Variants in RBFOX1 observed in about 807,000 individuals in gnomAD.
RBFOX1 encodes RNA binding fox-1 homolog 1.
In RBFOX1, 8 loss-of-function variants were observed where a neutral mutation model predicts 57.7. The observed-to-expected ratio is 0.14, with a 90% CI of 0.08 to 0.25. The LOEUF (loss-of-function observed/expected upper bound fraction) is 0.25. RBFOX1 is among the 10% of genes least tolerant of loss of function. RBFOX1 has a pLI of 1.00. For synonymous variants in RBFOX1, 326 were observed against 222.4 expected (o/e 1.47, Z -4.15); for missense variants, 611 against 548.5 (o/e 1.11, Z -1.14).
chr16:7,043,013 C>T (rs563385094), intron 3 of RBFOX1, among the ~76,000 whole-genome samples: 1 of 152,250 alleles, frequency 6.6e-6, no homozygotes, highest in South Asian at 2.1e-4. Flanking sequence ...ATTTTGCAAT[C>T]CCAAAGTTCC....
intron 4 of RBFOX1, among the ~76,000 whole-genome samples, chr16:7,433,902 G>A (rs976892757): frequency 6.6e-6 from 1 of 152,198 alleles, no homozygotes; most frequent in Non-Finnish European, 1.5e-5. Flanking sequence ...CTCCAAAGGA[G>A]TTCAGAGAAA....
chr16:6,658,291 G>T (rs1039315621), intron 3 of RBFOX1, among the ~76,000 whole-genome samples: 14 of 151,038 alleles, frequency 9.3e-5, no homozygotes, highest in Non-Finnish European at 1.6e-4. Context: ...CTGGATTGCA[G>T]TGGTGTGATC....
chr16:5,813,139 C>G (rs1348813302), intron 3 of RBFOX1, among the ~76,000 whole-genome samples: 2 of 151,936 alleles, frequency 1.3e-5, no homozygotes, highest in Admixed American at 6.6e-5. Context: ...TCCCGAGTAG[C>G]TGGAATTACA....
chr16:7,711,061 G>A lies in RBFOX1; in HGVS notation c.*316G>A. 4.6e-6 allele frequency: 1 copy of A among 216,824 alleles called. No individual in the cohort carries two copies. Among genetic ancestry groups the A allele is most frequent in the Non-Finnish European group, 9.0e-6 (1 of 111,336 alleles). The allele number at this position is 216,824 out of a possible 1,614,324, so 13.4% of individuals were successfully genotyped here. ...GGCCATATCCAGAGTGCTATATTAT[G>A]TAAATGAATTATATATGCTGAATAT... On this transcript the variant is annotated 3_prime_UTR_variant, in exon 16 of 16. Coordinates refer to ENST00000550418, the MANE Select transcript of RBFOX1 (RefSeq NM_018723.4).
At chr16:7,351,071 C>T (rs183891358) in intron 4 of RBFOX1, among the ~76,000 whole-genome samples, 191 of 152,312 alleles carry the variant, frequency 1.3e-3, no homozygotes, top group South Asian at 4.3e-3. Context: ...TTCGGGATGG[C>T]TGGTTTTCCT....
chr16:6,249,881 C>T (rs1324981518), intron 1 of RBFOX1, among the ~76,000 whole-genome samples: 3 of 150,838 alleles, frequency 2.0e-5, no homozygotes, highest in Admixed American at 1.3e-4. Flanking sequence ...CCCAGTAACT[C>T]GTCGTTTAAC....
intron 4 of RBFOX1, among the ~76,000 whole-genome samples, chr16:7,346,628 C>G (rs564054402): frequency 6.6e-6 from 1 of 151,936 alleles, no homozygotes; most frequent in East Asian, 2.0e-4. Flanking sequence ...TCCCATGTGG[C>G]CCACGGGCAT....
intron 4 of RBFOX1, among the ~76,000 whole-genome samples, chr16:7,202,794 C>T (rs1428072970): frequency 6.6e-6 from 1 of 152,178 alleles, no homozygotes; most frequent in African/African-American, 2.4e-5. Context: ...AAACCATCCC[C>T]TGCAACAGCC....
chr16:5,307,525 C>T (rs2151212743), intron 1 of RBFOX1, among the ~76,000 whole-genome samples: 1 of 152,276 alleles, frequency 6.6e-6, no homozygotes, highest in East Asian at 1.9e-4. Flanking sequence ...GAGGGTGCCA[C>T]CCTCACCCCT....
intron 4 of RBFOX1, among the ~76,000 whole-genome samples, chr16:7,475,164 T>G (rs763135582): frequency 5.3e-5 from 8 of 152,150 alleles, no homozygotes; most frequent in Non-Finnish European, 1.0e-4. Flanking sequence ...GACATCTCTG[T>G]TCCTTTTATT....
chr16:6,306,791 G>C lies in RBFOX1; in HGVS notation c.-126-10204G>C, dbSNP rs572357705. The stretch of plus-strand genomic sequence containing the variant: ...CTGTCTGCAGGAATTAAAAGTTGTC[G>C]TTTTCTCTGATATACTATGCCTTGC... On this transcript the variant is annotated intron_variant, in intron 1 of 15. Coordinates refer to ENST00000550418, the MANE Select transcript of RBFOX1 (RefSeq NM_018723.4). Among the ~76,000 whole-genome samples the C allele has an allele frequency of 5.5e-4, 83 of 152,174 alleles. 2 individuals are homozygous for C. Among genetic ancestry groups the C allele is most frequent in the African/African-American group, 2.0e-3 (82 of 41,512 alleles).
intron 3 of RBFOX1, among the ~76,000 whole-genome samples, chr16:5,827,211 C>G (rs1276531926): frequency 6.6e-6 from 1 of 151,912 alleles, no homozygotes; most frequent in Non-Finnish European, 1.5e-5. Context: ...ACCAGCCTGG[C>G]CAACATGGTG....
At chr16:7,536,316 G>T (rs747709486) in intron 5 of RBFOX1, among the ~76,000 whole-genome samples, 3 of 152,220 alleles carry the variant, frequency 2.0e-5, no homozygotes, top group Admixed American at 1.3e-4. Context: ...ATTAGAGGCT[G>T]GGCGCGGTGG....
intron 4 of RBFOX1, among the ~76,000 whole-genome samples, chr16:5,887,705 C>G (rs139395922): frequency 2.6e-5 from 4 of 152,090 alleles, no homozygotes; most frequent in African/African-American, 9.7e-5. Flanking sequence ...TACCTGGCCT[C>G]CTTTCTCCTG....
intron 4 of RBFOX1, among the ~76,000 whole-genome samples, chr16:5,967,301 A>C (rs908081029): frequency 6.6e-6 from 1 of 152,222 alleles, no homozygotes; most frequent in Non-Finnish European, 1.5e-5. Flanking sequence ...TACTATGTAT[A>C]CATTATGTAA....
At chr16:6,956,085 T>G (rs185278076) in intron 3 of RBFOX1, among the ~76,000 whole-genome samples, 2 of 152,114 alleles carry the variant, frequency 1.3e-5, no homozygotes, top group Non-Finnish European at 2.9e-5. Flanking sequence ...TACCTTCCCT[T>G]TGTTTTGCTT....
chr16:5,908,187 C>CATATAT (rs1567133765), intron 4 of RBFOX1, among the ~76,000 whole-genome samples: 50 of 131,560 alleles, frequency 3.8e-4, no homozygotes, highest in Admixed American at 1.1e-3. Context: ...CACATATATA[C>CATATAT]ACATATATAC....
chr16:7,601,845 C>T (rs941598037), intron 9 of RBFOX1, among the ~76,000 whole-genome samples: 7 of 152,060 alleles, frequency 4.6e-5, no homozygotes, highest in African/African-American at 1.7e-4. Flanking sequence ...GTATTTTAGA[C>T]GGAATTTAAA....
intron 4 of RBFOX1, among the ~76,000 whole-genome samples, chr16:7,273,514 G>T (rs931871147): frequency 2.0e-5 from 3 of 152,070 alleles, no homozygotes; most frequent in African/African-American, 7.2e-5. Context: ...CCCAGCTTTA[G>T]CATATATAAG....
Sources: gnomAD v4.1 joint callset for allele counts (sites outside exome capture counted in the v4.1 genomes callset) on GRCh38, gnomAD v4.1.1 for gene constraint, MANE v1.5 for transcripts, NCBI Gene and HGNC (gene_info 2026-07-23, HGNC 2026-07-21) for gene names.